Variants in ATP13A4 observed in about 807,000 individuals in gnomAD.
The protein encoded by ATP13A4 is probable cation-transporting ATPase 13A4.
Under a neutral mutation model 142.5 loss-of-function variants are expected in ATP13A4, and 114 were observed. The ratio of observed to expected loss-of-function variants is 0.80; its 90% CI spans 0.69 to 0.93. ATP13A4 has a LOEUF of 0.93. Among genes scored for constraint, ATP13A4 ranks in the 40% least tolerant of loss-of-function variants. The pLI is 0.00. For synonymous variants in ATP13A4, 488 were observed against 514.8 expected (o/e 0.95, Z 0.70); for missense variants, 1,392 against 1,454.0 (o/e 0.96, Z 0.69).
chr3:193,508,029 C>G (rs1231182235), intron 2 of ATP13A4, among the ~76,000 whole-genome samples: 2 of 152,274 alleles, frequency 1.3e-5, no homozygotes, highest in Admixed American at 6.5e-5. Context: ...AGGGTACACA[C>G]TAATCCAAAA....
At chr3:193,556,382 T>C (rs890157192), upstream of ATP13A4, among the ~76,000 whole-genome samples, 1 of 152,164 alleles carries the variant, frequency 6.6e-6, no homozygotes, top group African/African-American at 2.4e-5. Flanking sequence ...TGTGTATATG[T>C]TGTATGTGTA....
intron 1 of ATP13A4, among the ~76,000 whole-genome samples, chr3:193,539,450 T>TC (rs1722763161): frequency 6.6e-6 from 1 of 152,150 alleles, no homozygotes; most frequent in Non-Finnish European, 1.5e-5. Context: ...TGGCCATGAG[T>TC]TTCACAAGAG....
chr3:193,468,849 T>G (rs1196937080), intron 9 of ATP13A4, among the ~76,000 whole-genome samples: 2 of 152,276 alleles, frequency 1.3e-5, no homozygotes, highest in Admixed American at 1.3e-4. Flanking sequence ...TTTCTAGTTC[T>G]GACTTGGGAG....
chr3:193,533,412 G>A (rs897057488), intron 1 of ATP13A4, among the ~76,000 whole-genome samples: 2 of 151,986 alleles, frequency 1.3e-5, no homozygotes, highest in South Asian at 2.1e-4. Context: ...AGAAATGAAC[G>A]ACATATTTTG....
At chr3:193,555,417 A>T (rs1383365564), upstream of ATP13A4, among the ~76,000 whole-genome samples, 2 of 152,232 alleles carry the variant, frequency 1.3e-5, no homozygotes, top group South Asian at 2.1e-4. Flanking sequence ...TTCCTTGTAT[A>T]TGCAAAAAAA....
At chr3:193,555,374 C>T (rs372177962), upstream of ATP13A4, among the ~76,000 whole-genome samples, 66 of 152,318 alleles carry the variant, frequency 4.3e-4, no homozygotes, top group South Asian at 0.013. Context: ...CAGATTATCA[C>T]TAATCCTCTT....
intron 1 of ATP13A4, among the ~76,000 whole-genome samples, chr3:193,526,140 G>T (rs182621160): frequency 3.9e-5 from 6 of 152,206 alleles, no homozygotes; most frequent in Admixed American, 3.9e-4. Flanking sequence ...ATAATCAGAA[G>T]AATGAGAACA....
chr3:193,441,143 T>C (rs904721265), intron 20 of ATP13A4, among the ~76,000 whole-genome samples: 2 of 152,054 alleles, frequency 1.3e-5, no homozygotes, highest in South Asian at 2.1e-4. Flanking sequence ...TCCTGTGTAA[T>C]TGCAGGGTTT....
At chr3:193,429,417 A>T (rs905720485) in intron 25 of ATP13A4, among the ~76,000 whole-genome samples, 6 of 152,126 alleles carry the variant, frequency 3.9e-5, no homozygotes, top group African/African-American at 1.4e-4. Context: ...AAATAAATGG[A>T]TAGATAAAAT....
Position 193,573,276 on chromosome 3 carries a change from C to CACAT in ATP13A4, n.291+8430_291+8431insATGT, listed in dbSNP as rs1724313423. Among the ~76,000 whole-genome samples, 4 of 77,836 alleles carry CACAT rather than the reference C, an allele frequency of 5.1e-5. No homozygotes were observed. In the East Asian group the frequency reaches 1.0e-3, roughly 20 times the overall value. The allele number at this position is 77,836 out of a possible 152,430, so 51.1% of individuals were successfully genotyped here. Reference sequence around the variant, plus strand: ...TACCACAGCCATATATATATATATACATATATATATATACACATATATATA... The same window carrying CACAT: ...TACCACAGCCATATATATATATATACACATATATATATATATACACATATATATA... On this transcript the variant is annotated intron_variant and non_coding_transcript_variant, in intron 2 of 3. Transcript: ENST00000489140.
chr3:193,573,297 A>ATATATGTG (rs1724321123), intron 2 of ATP13A4, among the ~76,000 whole-genome samples: 1 of 108,954 alleles, frequency 9.2e-6, no homozygotes, highest in Non-Finnish European at 1.8e-5. Context: ...ATACACATAT[A>ATATATGTG]TATATATATA....
upstream of ATP13A4, among the ~76,000 whole-genome samples, chr3:193,559,724 A>G (rs13099487): frequency 0.17 from 25,939 of 152,158 alleles, 2,302 homozygotes; most frequent in Non-Finnish European, 0.19. Context: ...GTTCAGCACC[A>G]GGTCTGTTCT....
At chr3:193,514,552 T>C (rs1721304875) in intron 2 of ATP13A4, 146 bp downstream of exon 2, 1 of 1,042,428 alleles carries the variant, frequency 9.6e-7, no homozygotes, top group Non-Finnish European at 1.5e-6. Flanking sequence ...TCCTGCTAGA[T>C]GCAAGGCTGT....
intron 2 of ATP13A4, among the ~76,000 whole-genome samples, chr3:193,573,326 T>TATAA (rs1560287433): frequency 1.3e-5 from 1 of 78,050 alleles, no homozygotes; most frequent in Non-Finnish European, 2.7e-5. Flanking sequence ...TATATATATA[T>TATAA]AATTTGTATC....
intron 1 of ATP13A4, among the ~76,000 whole-genome samples, chr3:193,524,902 G>T (rs995681169): frequency 6.6e-6 from 1 of 152,146 alleles, no homozygotes; most frequent in African/African-American, 2.4e-5. Context: ...TGACCACACA[G>T]TCTAAAATAG....
At chr3:193,581,162 T>C (rs1724536414) in intron 2 of ATP13A4, among the ~76,000 whole-genome samples, 1 of 152,210 alleles carries the variant, frequency 6.6e-6, no homozygotes, top group Non-Finnish European at 1.5e-5. Flanking sequence ...TTTAAATTAA[T>C]GATGATGTGC....
At position 193,483,979 on chromosome 3, in the gene ATP13A4, G is replaced by A. The variant is rs1413376601; in HGVS notation, c.765C>T (p.Val255=). Residue 255 remains valine, a synonymous_variant, in exon 8 of 30, where the codon GTC becomes GTT. Coordinates refer to ENST00000342695, the MANE Select transcript of ATP13A4 (RefSeq NM_032279.4). Reference sequence around the variant, plus strand: ...AGACCGTAATGCTATTATGTGACTCGACGAGATGGTGGAGTTTTACAGATT... The same window carrying A: ...AGACCGTAATGCTATTATGTGACTCAACGAGATGGTGGAGTTTTACAGATT... ...REQSVKLHHL[V]ESHNSITVSV... 3 of 1,609,850 alleles carry A rather than the reference G, an allele frequency of 1.9e-6. No homozygotes were observed. Among genetic ancestry groups the A allele is most frequent in the South Asian group, 1.1e-5 (1 of 90,970 alleles).
chr3:193,482,780 A>G (rs1719366771), intron 8 of ATP13A4, among the ~76,000 whole-genome samples: 1 of 152,216 alleles, frequency 6.6e-6, no homozygotes, highest in Non-Finnish European at 1.5e-5. Flanking sequence ...AGCACCTGGA[A>G]CTCTCATACA....
chr3:193,536,674 TA>T (rs749417058), intron 1 of ATP13A4, among the ~76,000 whole-genome samples: 4 of 151,960 alleles, frequency 2.6e-5, no homozygotes, highest in Non-Finnish European at 5.9e-5. Context: ...CATACAGAAA[TA>T]AAACTTACTC....
Sources: allele counts gnomAD v4.1 joint callset (sites outside exome capture counted in the v4.1 genomes callset), GRCh38; gene constraint gnomAD v4.1.1; transcripts MANE v1.5; gene names NCBI Gene and HGNC (gene_info 2026-07-23, HGNC 2026-07-21).